RUFY4: variants seen among roughly 807,000 people sequenced by gnomAD.
RUFY4 encodes the protein RUN and FYVE domain-containing protein 4.
In RUFY4, 73 loss-of-function variants were observed where a neutral mutation model predicts 69.0. The ratio of observed to expected loss-of-function variants is 1.06; its 90% CI spans 0.88 to 1.29. The LOEUF (loss-of-function observed/expected upper bound fraction) is 1.29. Ranked by LOEUF, RUFY4 falls within the 50% of genes most tolerant of loss-of-function variation. RUFY4 has a pLI of 0.00. For synonymous variants in RUFY4, 287 were observed against 271.8 expected (o/e 1.06, Z -0.55); for missense variants, 770 against 705.6 (o/e 1.09, Z -1.03).
At chr2:218,045,379 G>A (rs981729887) in intron 2 of RUFY4, among the ~76,000 whole-genome samples, 2 of 152,058 alleles carry the variant, frequency 1.3e-5, no homozygotes, top group Non-Finnish European at 2.9e-5. Context: ...GAATATTTAA[G>A]AAGAGTTTCC....
intron 2 of RUFY4, among the ~76,000 whole-genome samples, chr2:218,052,744 T>TAA (rs1187350587): frequency 1.4e-4 from 20 of 146,578 alleles, no homozygotes; most frequent in African/African-American, 5.0e-4. Flanking sequence ...TTTTTTTTTT[T>TAA]TAAAAAAAAA....
Position 218,049,944 on chromosome 2 carries a change from C to T in RUFY4, c.-1157-8651C>T, listed in dbSNP as rs190184219. The stretch of plus-strand genomic sequence containing the variant: ...ATTCCTAGTCAGACAGGGATGGGTC[C>T]CTGGTGAAACCTGACCTTCAAATCA... On this transcript the variant is annotated intron_variant and NMD_transcript_variant, in intron 2 of 13. Coordinates refer to the RUFY4 transcript ENST00000457754. 6.6e-4 allele frequency among the ~76,000 whole-genome samples: 100 copies of T among 152,208 alleles called. No homozygotes were observed. The Middle Eastern group carries it at 0.02, about 31-fold the overall frequency.
intron 3 of RUFY4, among the ~76,000 whole-genome samples, chr2:218,063,785 C>A (rs1357685134): frequency 2.6e-5 from 4 of 152,152 alleles, no homozygotes; most frequent in African/African-American, 9.7e-5. Context: ...GGGGCCCCTG[C>A]AAGTGCTGTA....
chr2:218,055,198 C>G (rs1295449983), intron 2 of RUFY4, among the ~76,000 whole-genome samples: 1 of 152,122 alleles, frequency 6.6e-6, no homozygotes, highest in Non-Finnish European at 1.5e-5. Flanking sequence ...AGTTCGAGAT[C>G]AGCCTGAGAA....
At chr2:218,039,384 G>T (rs115248138) in intron 2 of RUFY4, among the ~76,000 whole-genome samples, 1,595 of 152,248 alleles carry the variant, frequency 0.01, 27 homozygotes, top group African/African-American at 0.036. Flanking sequence ...AATTGTGGTG[G>T]TGACACATGG....
In RUFY4 at chr2:218,070,645, C is replaced by T. The variant is rs141253754; in HGVS notation, c.40C>T (p.Leu14=). The T allele has an allele frequency of 5.9e-5, 90 of 1,537,542 alleles. No homozygotes were observed. The East Asian group carries it at 2.2e-3, about 37-fold the overall frequency. ...AGCCATCCTCAAGGTCACCAAAGAC[C>T]TAAGAGGTGAGTGTGTCCTGAGAGA... Residue 14 remains leucine (L), a synonymous_variant, in exon 1 of 11, where the codon CTA becomes TTA. Transcript: ENST00000344321.
At chr2:218,040,346 CTCA>C (rs1415020135) in intron 2 of RUFY4, among the ~76,000 whole-genome samples, 1 of 152,164 alleles carries the variant, frequency 6.6e-6, no homozygotes, top group Non-Finnish European at 1.5e-5. Context: ...TTTCACCTTA[CTCA>C]TCAAGTGCCC....
At chr2:218,078,644 T>C (rs981037969) in intron 8 of RUFY4, among the ~76,000 whole-genome samples, 3 of 152,186 alleles carry the variant, frequency 2.0e-5, no homozygotes, top group Non-Finnish European at 2.9e-5. Context: ...TACATGCTTT[T>C]TCAAATGCTT....
Position 218,070,663 on chromosome 2 carries a change from C to T in RUFY4, c.46+12C>T, listed in dbSNP as rs1211831399. The T allele has an allele frequency of 6.5e-7, 1 of 1,537,234 alleles. No individual in the cohort carries two copies. The highest frequency in any genetic ancestry group is 1.4e-5 in the African/African-American group (1 of 73,154). On this transcript the variant is annotated intron_variant, in intron 1 of 10. Transcript: ENST00000344321. ...CAAAGACCTAAGAGGTGAGTGTGTC[C>T]TGAGAGATGCTCTGGGACTGAGTCA...
At chr2:218,062,029 T>C (rs530186630) in intron 3 of RUFY4, among the ~76,000 whole-genome samples, 1 of 152,340 alleles carries the variant, frequency 6.6e-6, no homozygotes, top group East Asian at 1.9e-4. Context: ...AGTTAATTAG[T>C]AAGGCCCAGC....
At chr2:218,075,410 G>A (rs368265042) in exon 7 of RUFY4, 1 of 1,612,970 alleles carries the variant, frequency 6.2e-7, no homozygotes, top group African/African-American at 1.3e-5. Context: ...TGGGCACTCA[G>A]AAGGAGGTGA....
intron 2 of RUFY4, among the ~76,000 whole-genome samples, chr2:218,042,083 A>G (rs908042514): frequency 3.9e-5 from 6 of 152,216 alleles, no homozygotes; most frequent in African/African-American, 1.4e-4. Flanking sequence ...CAAATTGTCT[A>G]ATCCTTGATG....
chr2:218,074,963 C>A, intron 6 of RUFY4, 130 bp from the exon 9 acceptor site: 1 of 1,003,742 alleles, frequency 1.0e-6, no homozygotes, highest in Non-Finnish European at 1.4e-6. Context: ...TAAATCAAAG[C>A]TTCCAGTGAG....
Position 218,041,742 on chromosome 2 carries a change from T to G in RUFY4, c.-1158+6348T>G, listed in dbSNP as rs576808338. Reference sequence around the variant, plus strand: ...ATATAGGCATTTACAAGAAATAGCTTAAGTTTCACTTATGTTTTCAAATCA... The same window carrying G: ...ATATAGGCATTTACAAGAAATAGCTGAAGTTTCACTTATGTTTTCAAATCA... On this transcript the variant is annotated intron_variant and NMD_transcript_variant, in intron 2 of 13. Coordinates refer to the RUFY4 transcript ENST00000457754. Among the ~76,000 whole-genome samples the G allele has an allele frequency of 3.3e-5, 5 of 152,380 alleles. No homozygotes were observed. In the South Asian group the frequency reaches 8.3e-4, roughly 25 times the overall value.
chr2:218,068,641 GA>G (rs1472936889), upstream of RUFY4: 1 of 153,112 alleles, frequency 6.5e-6, no homozygotes, highest in Non-Finnish European at 1.5e-5. Flanking sequence ...AGCATGGAAA[GA>G]CCCCAGCCTC....
intron 2 of RUFY4, among the ~76,000 whole-genome samples, chr2:218,046,323 T>C (rs567801489): frequency 8.5e-5 from 13 of 152,214 alleles, no homozygotes; most frequent in East Asian, 1.9e-4. Context: ...TGTAATTGTA[T>C]AGGGAGAGTG....
upstream of RUFY4, among the ~76,000 whole-genome samples, chr2:218,067,397 A>G (rs1689365767): frequency 6.6e-6 from 1 of 152,238 alleles, no homozygotes; most frequent in Non-Finnish European, 1.5e-5. Context: ...CCGGGTAGCC[A>G]CTGAGCCTTG....
upstream of RUFY4, among the ~76,000 whole-genome samples, chr2:218,065,034 G>A (rs1388179288): frequency 2.6e-5 from 4 of 152,188 alleles, no homozygotes; most frequent in Admixed American, 1.3e-4. Context: ...GGGGTTGGGG[G>A]ACAGACACTG....
chr2:218,069,790 G>A (rs10932743), upstream of RUFY4, among the ~76,000 whole-genome samples: 45,734 of 151,764 alleles, frequency 0.3, 7,183 homozygotes, highest in South Asian at 0.39. Context: ...TGGGTTTTCC[G>A]CTCCATGCCT....
Sources: gnomAD v4.1 joint callset for allele counts (sites outside exome capture counted in the v4.1 genomes callset) on GRCh38, gnomAD v4.1.1 for gene constraint, MANE v1.5 for transcripts, NCBI Gene and HGNC (gene_info 2026-07-23, HGNC 2026-07-21) for gene names.